FZD3: variants seen among roughly 807,000 people sequenced by gnomAD.
FZD3 encodes frizzled class receptor 3.
Under a neutral mutation model 60.7 loss-of-function variants are expected in FZD3, and 30 were observed. The ratio of observed to expected loss-of-function variants is 0.49; its 90% CI spans 0.37 to 0.67. The LOEUF (loss-of-function observed/expected upper bound fraction) is 0.67. Among genes scored for constraint, FZD3 ranks in the 30% least tolerant of loss-of-function variants. FZD3 has a pLI of 0.00. For missense variants in FZD3, 605 were observed against 838.7 expected, an observed-to-expected ratio of 0.72 and a Z score of 3.44; for synonymous variants, 246 against 275.2, an observed-to-expected ratio of 0.89 and a Z score of 1.05.
At chr8:28,552,947 G>A (rs1330875551) in intron 6 of FZD3, among the ~76,000 whole-genome samples, 1 of 152,188 alleles carries the variant, frequency 6.6e-6, no homozygotes, top group Non-Finnish European at 1.5e-5. Flanking sequence ...TGCAAATAAA[G>A]TGATGTATTA....
chr8:28,556,022 A>G (rs757761082), intron 7 of FZD3, 51 bp downstream of exon 7: 3 of 1,194,336 alleles, frequency 2.5e-6, no homozygotes, highest in Admixed American at 3.8e-5. Context: ...TTATGACCAT[A>G]CAGCTTAAGA....
At chr8:28,516,306 G>A (rs1804424260) in intron 3 of FZD3, among the ~76,000 whole-genome samples, 1 of 152,230 alleles carries the variant, frequency 6.6e-6, no homozygotes, top group Middle Eastern at 3.4e-3. Context: ...TAATAGCTTT[G>A]TGATAAGTTT....
chr8:28,537,813 A>G (rs1197774814), intron 5 of FZD3, among the ~76,000 whole-genome samples: 1 of 152,186 alleles, frequency 6.6e-6, no homozygotes, highest in East Asian at 1.9e-4. Flanking sequence ...ACTGCATAAT[A>G]GTATTAAACA....
chr8:28,547,481 G>T (rs1340427824), intron 5 of FZD3, among the ~76,000 whole-genome samples: 1 of 152,096 alleles, frequency 6.6e-6, no homozygotes. Context: ...TTTTATAGAG[G>T]TTTATGAATT....
chr8:28,543,996 C>T (rs1160898710), intron 5 of FZD3, among the ~76,000 whole-genome samples: 1 of 151,860 alleles, frequency 6.6e-6, no homozygotes, highest in East Asian at 1.9e-4. Flanking sequence ...TTCTCAGAAC[C>T]TTGAATATAT....
At chr8:28,560,703 A>G (rs989053861) in intron 7 of FZD3, among the ~76,000 whole-genome samples, 1 of 152,192 alleles carries the variant, frequency 6.6e-6, no homozygotes, top group Non-Finnish European at 1.5e-5. Flanking sequence ...TATTTGAGAC[A>G]GATACTTGGG....
Position 28,573,900 on chromosome 8 carries a change from T to C in FZD3, c.*10889T>C, listed in dbSNP as rs1805849243. Reference sequence around the variant, plus strand: ...AAATGTCTAATGTTGATTTATCATATAAACATCTAATTAGAAAGTGTTTAT... The same window carrying C: ...AAATGTCTAATGTTGATTTATCATACAAACATCTAATTAGAAAGTGTTTAT... On this transcript the variant is annotated 3_prime_UTR_variant, in exon 8 of 8. Coordinates refer to ENST00000240093, the MANE Select transcript of FZD3 (RefSeq NM_017412.4). The C allele has an allele frequency of 6.6e-6, 1 of 152,216 alleles. No individual in the cohort carries two copies. The highest frequency in any genetic ancestry group is 1.5e-5 in the Non-Finnish European group (1 of 68,018). 9.4% of individuals were successfully genotyped at this position (152,216 alleles called of 1,614,324 possible). A position where few individuals can be genotyped will look rare whatever the true frequency, so the allele number is the denominator to read the frequency against.
At position 28,571,315 on chromosome 8, in the gene FZD3, A is replaced by G. The variant is rs1453780128; in HGVS notation, c.*8304A>G. 1 of 152,208 alleles carries G rather than the reference A, an allele frequency of 6.6e-6. No individual in the cohort carries two copies. 9.4% of individuals were successfully genotyped at this position (152,208 alleles called of 1,614,324 possible). A position where few individuals can be genotyped will look rare whatever the true frequency, so the allele number is the denominator to read the frequency against. The stretch of plus-strand genomic sequence containing the variant: ...CCTCAGATAATTTTTCCCTGAACTC[A>G]TCTTGTCAGCAGAAACATTTAATGT... On this transcript the variant is annotated 3_prime_UTR_variant, in exon 8 of 8. Transcript: ENST00000240093.
At chr8:28,526,927 A>G (rs372132616) in intron 4 of FZD3, among the ~76,000 whole-genome samples, 10 of 152,304 alleles carry the variant, frequency 6.6e-5, no homozygotes, top group African/African-American at 2.2e-4. Context: ...AGGCTATCAT[A>G]CTTTTTCAAG....
chr8:28,533,793 C>T (rs1238686504), intron 5 of FZD3, among the ~76,000 whole-genome samples: 1 of 151,846 alleles, frequency 6.6e-6, no homozygotes, highest in Non-Finnish European at 1.5e-5. Context: ...TCTAGGATTT[C>T]CTTTCTCTTT....
At position 28,571,293 on chromosome 8, in the gene FZD3, C is replaced by T. The variant is rs1317799982; in HGVS notation, c.*8282C>T. Reference sequence around the variant, plus strand: ...CAAATGTCTTCCTTTATCCCTGCCTCAGATAATTTTTCCCTGAACTCATCT... The same window carrying T: ...CAAATGTCTTCCTTTATCCCTGCCTTAGATAATTTTTCCCTGAACTCATCT... On this transcript the variant is annotated 3_prime_UTR_variant, in exon 8 of 8. Transcript: ENST00000240093. The T allele has an allele frequency of 6.6e-6, 1 of 152,178 alleles. No homozygotes were observed. Among genetic ancestry groups the T allele is most frequent in the Non-Finnish European group, 1.5e-5 (1 of 68,028 alleles). The allele number at this position is 152,178 out of a possible 1,614,324, so 9.4% of individuals were successfully genotyped here.
Position 28,520,702 on chromosome 8 carries a change from A to G in FZD3, c.254A>G (p.Tyr85Cys), listed in dbSNP as rs1563388990. 3 of 1,611,888 alleles carry G rather than the reference A, an allele frequency of 1.9e-6. No individual in the cohort carries two copies. Among genetic ancestry groups the G allele is most frequent in the East Asian group, 2.2e-5 (1 of 44,852 alleles). ...RDFRPFLCALYAPICMEYGRV... is the reference protein window; with the variant it reads ...RDFRPFLCALCAPICMEYGRV... Reference sequence around the variant, plus strand: ...TTCCGGCCTTTTCTTTGTGCACTCTACGCTCCTATTTGTATGGAATATGGA... The same window carrying G: ...TTCCGGCCTTTTCTTTGTGCACTCTGCGCTCCTATTTGTATGGAATATGGA... Residue 85 changes from tyrosine to cysteine, a missense_variant, in exon 4 of 8, where the codon TAC becomes TGC. Coordinates refer to ENST00000240093, the MANE Select transcript of FZD3 (RefSeq NM_017412.4).
intron 5 of FZD3, among the ~76,000 whole-genome samples, chr8:28,535,117 G>A (rs899844055): frequency 3.3e-5 from 5 of 152,068 alleles, no homozygotes; most frequent in African/African-American, 1.2e-4. Flanking sequence ...AATACCAATT[G>A]GGTTTAGTGC....
intron 5 of FZD3, among the ~76,000 whole-genome samples, chr8:28,536,591 C>A (rs1805020342): frequency 6.6e-6 from 1 of 152,058 alleles, no homozygotes; most frequent in South Asian, 2.1e-4. Context: ...CGCCTATAAT[C>A]CCAGCTACTC....
chr8:28,551,755 A>C lies in FZD3; in HGVS notation c.1553+4A>C. On this transcript the variant is annotated splice_donor_region_variant and intron_variant, in intron 6 of 7. Coordinates refer to ENST00000240093, the MANE Select transcript of FZD3 (RefSeq NM_017412.4). The stretch of plus-strand genomic sequence containing the variant: ...TTCATGGTCGTAGGAAAAAAGAGTA[A>C]GTTGAAATAAATGATCACAGTGTTC... 6.3e-7 allele frequency: 1 copy of C among 1,598,216 alleles called. No homozygotes were observed. Among genetic ancestry groups the C allele is most frequent in the East Asian group, 2.2e-5 (1 of 44,770 alleles).
intron 4 of FZD3, among the ~76,000 whole-genome samples, chr8:28,524,011 G>A (rs1034673841): frequency 1.3e-5 from 2 of 152,034 alleles, no homozygotes; most frequent in Non-Finnish European, 2.9e-5. Flanking sequence ...CCAAGGAGGC[G>A]CCTCCTTCCC....
At position 28,573,741 on chromosome 8, in the gene FZD3, A is replaced by G. The variant is rs995980685; in HGVS notation, c.*10730A>G. 2 of 151,664 alleles carry G rather than the reference A, an allele frequency of 1.3e-5. No homozygotes were observed. Among genetic ancestry groups the G allele is most frequent in the African/African-American group, 4.8e-5 (2 of 41,278 alleles). The allele number at this position is 151,664 out of a possible 1,614,324, so 9.4% of individuals were successfully genotyped here. On this transcript the variant is annotated 3_prime_UTR_variant, in exon 8 of 8. Coordinates refer to ENST00000240093, the MANE Select transcript of FZD3 (RefSeq NM_017412.4). Reference sequence around the variant, plus strand: ...AGTCTTTCCCCATTTTACTGTTACAATTTTTCAAGAGCTATAAAGGTAGAA... The same window carrying G: ...AGTCTTTCCCCATTTTACTGTTACAGTTTTTCAAGAGCTATAAAGGTAGAA...
intron 5 of FZD3, among the ~76,000 whole-genome samples, chr8:28,549,405 A>G (rs940529112): frequency 2.0e-5 from 3 of 152,184 alleles, no homozygotes; most frequent in African/African-American, 7.2e-5. Flanking sequence ...TATATACATG[A>G]AAGTTATTTG....
chr8:28,527,697 T>C lies in FZD3; in HGVS notation c.937T>C (p.Leu313=). Residue 313 remains leucine, a synonymous_variant, in exon 5 of 8, where the codon TTA becomes CTA. Transcript: ENST00000240093. The surrounding 1 kb of genome is among the most constrained non-coding windows in gnomAD (Gnocchi z 5.0). ...GGTAATTCTTACCATCACATGGTTT[T>C]TAGCAGCTGTGCCAAAGTGGGGTAG... The part of the protein sequence containing the change: ...WWVILTITWF[L]AAVPKWGSEA... The C allele has an allele frequency of 6.2e-7, 1 of 1,614,148 alleles. No homozygotes were observed. Among genetic ancestry groups the C allele is most frequent in the Non-Finnish European group, 8.5e-7 (1 of 1,179,998 alleles).
Sources: allele counts gnomAD v4.1 joint callset (sites outside exome capture counted in the v4.1 genomes callset), GRCh38; gene constraint gnomAD v4.1.1; non-coding constraint Gnocchi (gnomAD v3.1); transcripts MANE v1.5; gene names NCBI Gene and HGNC (gene_info 2026-07-23, HGNC 2026-07-21).